The following MCC variants were observed in gnomAD, a reference collection of about 807,000 sequenced individuals.
MCC encodes the protein colorectal mutant cancer protein.
In MCC, 90 loss-of-function variants were observed where a neutral mutation model predicts 116.2. The ratio of observed to expected loss-of-function variants is 0.77; its 90% CI spans 0.65 to 0.92. The LOEUF is 0.92. Ranked by LOEUF, MCC falls within the 40% of genes least tolerant of loss-of-function variation. The pLI, the probability that MCC is intolerant of heterozygous loss-of-function variation, is 0.00. For synonymous variants in MCC, 578 were observed against 510.5 expected, an observed-to-expected ratio of 1.13 and a Z score of -1.78; for missense variants, 1,516 against 1,312.2, an observed-to-expected ratio of 1.16 and a Z score of -2.40.
At position 113,488,369 on chromosome 5, in the gene MCC, C is replaced by CGCCGCT. The variant is rs2150439540; in HGVS notation, c.45_46insAGCGGC (p.Ser15_Gly16insSerGly). 2 of 1,511,506 alleles carry CGCCGCT rather than the reference C, an allele frequency of 1.3e-6. No individual in the cohort carries two copies. Among genetic ancestry groups the CGCCGCT allele is most frequent in the Non-Finnish European group, 1.8e-6 (2 of 1,135,472 alleles). 93.6% of individuals were successfully genotyped at this position (1,511,506 alleles called of 1,614,324 possible). Reference sequence around the variant, plus strand: ...CTGCCGCTGCCGCCGCCGCCGCCGCCGCTGCTGGAGCTCCCCGCAGCCGCT... The same window carrying CGCCGCT: ...CTGCCGCTGCCGCCGCCGCCGCCGCCGCCGCTGCTGCTGGAGCTCCCCGCAGCCGCT... On this transcript the variant is annotated inframe_insertion, in exon 1 of 19. Transcript: ENST00000408903.
intron 11 of MCC, among the ~76,000 whole-genome samples, chr5:113,073,873 T>C (rs961197130): frequency 4.6e-5 from 7 of 152,132 alleles, no homozygotes; most frequent in African/African-American, 1.2e-4. Flanking sequence ...GTAAACAAAG[T>C]GGCTGGGAAG....
At position 113,340,503 on chromosome 5, in the gene MCC, A is replaced by ATT. The variant is rs1767981811; in HGVS notation, c.627+15_627+16insAA. On this transcript the variant is annotated intron_variant, in intron 3 of 18. Transcript: ENST00000408903. ...ACAGGCCGAAATATGTATTCCATGAACCAAAAAGTACTCACTGTGTTGGCC... is the reference window on the plus strand; with the variant it reads ...ACAGGCCGAAATATGTATTCCATGAATTCCAAAAAGTACTCACTGTGTTGGCC... 2.5e-6 allele frequency: 4 copies of ATT among 1,611,154 alleles called. No individual in the cohort carries two copies. The highest frequency in any genetic ancestry group is 3.4e-6 in the Non-Finnish European group (4 of 1,177,416).
At chr5:113,263,775 G>A (rs1047115954) in intron 3 of MCC, among the ~76,000 whole-genome samples, 1 of 152,122 alleles carries the variant, frequency 6.6e-6, no homozygotes. Context: ...TTCCTGAAAC[G>A]TTTATGGTGT....
At chr5:113,324,494 T>C (rs1581399799) in intron 3 of MCC, among the ~76,000 whole-genome samples, 1 of 152,314 alleles carries the variant, frequency 6.6e-6, no homozygotes, top group African/African-American at 2.4e-5. Flanking sequence ...TGTTGGTGAG[T>C]ATCCTTCCAG....
intron 3 of MCC, among the ~76,000 whole-genome samples, chr5:113,218,187 C>T (rs966867174): frequency 2.6e-5 from 4 of 152,064 alleles, no homozygotes; most frequent in Admixed American, 6.5e-5. Context: ...CGAGCACTGG[C>T]GACAAGCGAC....
At chr5:113,292,976 AT>A (rs1026864397) in intron 3 of MCC, among the ~76,000 whole-genome samples, 2 of 152,090 alleles carry the variant, frequency 1.3e-5, no homozygotes, top group Non-Finnish European at 2.9e-5. Flanking sequence ...CTCACCTCCC[AT>A]TTTTAAGTTC....
intron 3 of MCC, among the ~76,000 whole-genome samples, chr5:113,213,400 T>G (rs1266520474): frequency 6.6e-6 from 1 of 152,224 alleles, no homozygotes; most frequent in Non-Finnish European, 1.5e-5. Context: ...GTTTTTTAGA[T>G]GCCATGTGAA....
At chr5:113,240,903 T>C (rs1764339764) in intron 3 of MCC, among the ~76,000 whole-genome samples, 1 of 152,188 alleles carries the variant, frequency 6.6e-6, no homozygotes, top group African/African-American at 2.4e-5. Flanking sequence ...GAGGAAGTTA[T>C]TTGACTCAGA....
chr5:113,205,792 T>C lies in MCC; in HGVS notation c.628-54370A>G, dbSNP rs72805239. On this transcript the variant is annotated intron_variant, in intron 3 of 18. Transcript: ENST00000408903. ...GGTAGCGAAACCATGAGGGGTGGCATGGGTAGATAGAGCATTCTCCCAAGT... is the reference window on the plus strand; with the variant it reads ...GGTAGCGAAACCATGAGGGGTGGCACGGGTAGATAGAGCATTCTCCCAAGT... 3.9e-3 allele frequency among the ~76,000 whole-genome samples: 592 copies of C among 152,240 alleles called. 1 individual carries two copies. Among genetic ancestry groups the C allele is most frequent in the Admixed American group, 6.9e-3 (106 of 15,300 alleles).
chr5:113,433,779 T>A (rs747389790), intron 1 of MCC: 2 of 1,613,932 alleles, frequency 1.2e-6, no homozygotes, highest in South Asian at 2.2e-5. Context: ...GGGCCCTTCC[T>A]CTGTCTCCAT....
rs912314915 is a variant in MCC, at chr5:113,102,078, C to A, written c.1192-133G>T. The A allele has an allele frequency of 1.8e-5, 15 of 818,992 alleles. No individual in the cohort carries two copies. The African/African-American group carries it at 1.9e-4, about 10-fold the overall frequency. The allele number at this position is 818,992 out of a possible 1,614,324, so 50.7% of individuals were successfully genotyped here. A position where few individuals can be genotyped will look rare whatever the true frequency, so the allele number is the denominator to read the frequency against. The stretch of plus-strand genomic sequence containing the variant: ...GAACCACTTTGTTATAAATAGTGAT[C>A]ATGACTACAGACACCCCAAAGTTAT... On this transcript the variant is annotated intron_variant, in intron 7 of 18. Transcript: ENST00000408903.
In MCC at chr5:113,023,069, T is replaced by G. The variant is rs544048006; in HGVS notation, c.*4233A>C. 1.3e-5 allele frequency: 2 copies of G among 152,350 alleles called. No homozygotes were observed. The highest frequency in any genetic ancestry group is 4.1e-4 in the South Asian group (2 of 4,830). 9.4% of individuals were successfully genotyped at this position (152,350 alleles called of 1,614,324 possible). A position where few individuals can be genotyped will look rare whatever the true frequency, so the allele number is the denominator to read the frequency against. On this transcript the variant is annotated 3_prime_UTR_variant, in exon 19 of 19. Coordinates refer to ENST00000408903, the MANE Select transcript of MCC (RefSeq NM_001085377.2). ...ACTTTTTTTCCACTTGTTTATATTTTAACAGCCACTGAGAGATCAGTGATG... is the reference window on the plus strand; with the variant it reads ...ACTTTTTTTCCACTTGTTTATATTTGAACAGCCACTGAGAGATCAGTGATG...
At chr5:113,472,961 A>G (rs1298729548) in intron 1 of MCC, among the ~76,000 whole-genome samples, 1 of 152,210 alleles carries the variant, frequency 6.6e-6, no homozygotes, top group Non-Finnish European at 1.5e-5. Flanking sequence ...GCATCTAATC[A>G]ACGCATGATG....
intron 18 of MCC, among the ~76,000 whole-genome samples, chr5:113,028,164 T>G (rs891042290): frequency 6.6e-6 from 1 of 152,154 alleles, no homozygotes; most frequent in Admixed American, 6.6e-5. Flanking sequence ...GTAAAACCCA[T>G]TCAGGAGGTC....
At chr5:113,108,400 AT>A (rs1756880297) in intron 6 of MCC, among the ~76,000 whole-genome samples, 1 of 149,916 alleles carries the variant, frequency 6.7e-6, no homozygotes, top group Non-Finnish European at 1.5e-5. Flanking sequence ...CATGCCTATA[AT>A]CCCAGCACTT....
chr5:113,352,131 A>G (rs902681614), intron 2 of MCC, among the ~76,000 whole-genome samples: 6 of 152,214 alleles, frequency 3.9e-5, no homozygotes, highest in Admixed American at 2.0e-4. Context: ...AAAAAACTAT[A>G]GTAGACTGTT....
In MCC at chr5:113,122,745, G is replaced by C; in HGVS notation, c.966C>G (p.Asp322Glu). The C allele has an allele frequency of 6.2e-7, 1 of 1,614,170 alleles. No homozygotes were observed. Among genetic ancestry groups the C allele is most frequent in the Non-Finnish European group, 8.5e-7 (1 of 1,180,026 alleles). ...HEVNEDSRSM[D>E]QDQTSVSIPE... Reference sequence around the variant, plus strand: ...GGATAGAGACAGAGGTCTGGTCTTGGTCCATGCTTCGAGAGTCCTCGTTGA... The same window carrying C: ...GGATAGAGACAGAGGTCTGGTCTTGCTCCATGCTTCGAGAGTCCTCGTTGA... Residue 322 changes from aspartate (D) to glutamate (E), a missense_variant, in exon 6 of 19, where the codon GAC becomes GAG. Transcript: ENST00000408903.
chr5:113,465,022 C>T (rs62371900), intron 1 of MCC, among the ~76,000 whole-genome samples: 4,720 of 151,854 alleles, frequency 0.031, 115 homozygotes, highest in Non-Finnish European at 0.049. Flanking sequence ...AGAAACGTAT[C>T]CTATTTCCAA....
intron 3 of MCC, among the ~76,000 whole-genome samples, chr5:113,266,264 A>G (rs924228607): frequency 6.8e-6 from 1 of 146,322 alleles, no homozygotes; most frequent in African/African-American, 2.6e-5. Context: ...CACACACACA[A>G]AACCATTATC....
Sources: allele counts gnomAD v4.1 joint callset (sites outside exome capture counted in the v4.1 genomes callset), GRCh38; gene constraint gnomAD v4.1.1; transcripts MANE v1.5; gene names NCBI Gene and HGNC (gene_info 2026-07-23, HGNC 2026-07-21).